Variants in MAP2K1 observed in about 807,000 individuals in gnomAD.
The protein encoded by MAP2K1 is dual specificity mitogen-activated protein kinase kinase 1.
A neutral mutation model predicts 46.3 loss-of-function variants in MAP2K1; 16 were observed. That is an observed-to-expected ratio of 0.35 (90% CI 0.23 to 0.52). The LOEUF (loss-of-function observed/expected upper bound fraction) is 0.52. MAP2K1 is among the 20% of genes least tolerant of loss of function. The probability of loss-of-function intolerance (pLI) is 0.94; values close to 1 mark genes in which losing one functional copy is unlikely to be tolerated. For missense variants in MAP2K1, 263 were observed against 497.1 expected, an observed-to-expected ratio of 0.53 and a Z score of 4.48; for synonymous variants, 183 against 185.6, an observed-to-expected ratio of 0.99 and a Z score of 0.11.
intron 5 of MAP2K1, among the ~76,000 whole-genome samples, chr15:66,448,496 C>T (rs534058113): frequency 1.5e-4 from 23 of 152,058 alleles, no homozygotes; most frequent in Non-Finnish European, 3.1e-4. Flanking sequence ...TGGGATTTGT[C>T]GGGAGAAAAG....
intron 1 of MAP2K1, among the ~76,000 whole-genome samples, chr15:66,402,767 T>C (rs2093385394): frequency 6.6e-6 from 1 of 152,190 alleles, no homozygotes; most frequent in Admixed American, 6.5e-5. Flanking sequence ...TAGTAACGTT[T>C]TTTGATTGAA....
At chr15:66,475,457 C>G (rs1166498856) in intron 5 of MAP2K1, among the ~76,000 whole-genome samples, 1 of 152,112 alleles carries the variant, frequency 6.6e-6, no homozygotes, top group Non-Finnish European at 1.5e-5. Flanking sequence ...TCTCAGCAGC[C>G]CCTTGCTCCT....
intron 5 of MAP2K1, among the ~76,000 whole-genome samples, chr15:66,447,123 C>A (rs1445685684): frequency 6.6e-6 from 1 of 151,878 alleles, no homozygotes; most frequent in African/African-American, 2.4e-5. Context: ...GGACAGCTTA[C>A]AAGCCCCGTA....
At chr15:66,414,741 A>G (rs1347329835) in intron 1 of MAP2K1, among the ~76,000 whole-genome samples, 1 of 150,824 alleles carries the variant, frequency 6.6e-6, no homozygotes, top group East Asian at 1.9e-4. Flanking sequence ...TTGTAATCAC[A>G]TGATTGGTCT....
intron 1 of MAP2K1, among the ~76,000 whole-genome samples, chr15:66,393,395 C>T (rs1029498470): frequency 1.3e-5 from 2 of 152,118 alleles, no homozygotes; most frequent in African/African-American, 4.8e-5. Context: ...TCAGGCTGGT[C>T]TCCAAGTCCT....
intron 1 of MAP2K1, among the ~76,000 whole-genome samples, chr15:66,432,311 T>C (rs1313941409): frequency 3.3e-5 from 5 of 152,142 alleles, no homozygotes; most frequent in Non-Finnish European, 7.3e-5. Flanking sequence ...GTTCATTAGC[T>C]GGTAGGGTGG....
chr15:66,407,047 C>T (rs898900157), intron 1 of MAP2K1, among the ~76,000 whole-genome samples: 2 of 152,036 alleles, frequency 1.3e-5, no homozygotes, highest in African/African-American at 4.8e-5. Flanking sequence ...GGAAGGGGTC[C>T]CCAGGAGCTC....
intron 1 of MAP2K1, among the ~76,000 whole-genome samples, chr15:66,420,759 G>GTGTGTGTGTGTGTGTGTGTA (rs1252003697): frequency 2.5e-5 from 1 of 40,094 alleles, no homozygotes; most frequent in African/African-American, 9.6e-5. Flanking sequence ...GTGTGTGTGT[G>GTGTGTGTGTGTGTGTGTGTA]TATGTGTGTA....
chr15:66,483,314 A>C (rs1431675652), intron 6 of MAP2K1, among the ~76,000 whole-genome samples: 2 of 150,836 alleles, frequency 1.3e-5, no homozygotes, highest in African/African-American at 2.4e-5. Flanking sequence ...CCTCCCCTCC[A>C]GTGACCCACA....
intron 1 of MAP2K1, among the ~76,000 whole-genome samples, chr15:66,420,013 G>A (rs1336873590): frequency 1.3e-5 from 2 of 152,136 alleles, no homozygotes; most frequent in African/African-American, 4.8e-5. Flanking sequence ...GGGAGGTGAG[G>A]TGGGTGGATC....
chr15:66,397,754 A>G (rs1566995204), intron 1 of MAP2K1, among the ~76,000 whole-genome samples: 1 of 152,210 alleles, frequency 6.6e-6, no homozygotes, highest in Non-Finnish European at 1.5e-5. Flanking sequence ...AGAGGAAACA[A>G]TCAGACAAAC....
chr15:66,462,772 T>C (rs902710853), intron 5 of MAP2K1, among the ~76,000 whole-genome samples: 2 of 152,162 alleles, frequency 1.3e-5, no homozygotes, highest in Admixed American at 1.3e-4. Context: ...GTGAGGATTC[T>C]TGGTTACACA....
chr15:66,458,588 C>G (rs1434706310), intron 5 of MAP2K1, among the ~76,000 whole-genome samples: 3 of 152,234 alleles, frequency 2.0e-5, no homozygotes, highest in Admixed American at 2.0e-4. Context: ...GCGATCATGG[C>G]TCACTGCATC....
chr15:66,461,539 A>G (rs1382828916), intron 5 of MAP2K1, among the ~76,000 whole-genome samples: 2 of 152,018 alleles, frequency 1.3e-5, no homozygotes, highest in Non-Finnish European at 2.9e-5. Flanking sequence ...GAGTCTAGTG[A>G]TATAGCTCAG....
intron 5 of MAP2K1, among the ~76,000 whole-genome samples, chr15:66,464,172 C>G (rs1317459828): frequency 6.6e-6 from 1 of 152,120 alleles, no homozygotes; most frequent in African/African-American, 2.4e-5. Flanking sequence ...CAGGTTTCAT[C>G]GGATCTCTCG....
rs2093342357 is a variant in MAP2K1 at position 66,387,025 on chromosome 15, G to C, written c.-323G>C. The C allele has an allele frequency of 3.1e-6, 1 of 319,610 alleles. No homozygotes were observed. Among genetic ancestry groups the C allele is most frequent in the Non-Finnish European group, 5.7e-6 (1 of 176,280 alleles). 19.8% of individuals were successfully genotyped at this position (319,610 alleles called of 1,614,324 possible). ...CGCGCGCGGCTGTGCCGCCCGAGCC[G>C]GAGGGACTGGTTGGTTGAGAGAGAG... On this transcript the variant is annotated 5_prime_UTR_variant, in exon 1 of 11. Coordinates refer to ENST00000307102, the MANE Select transcript of MAP2K1 (RefSeq NM_002755.4).
At chr15:66,443,410 G>T in intron 4 of MAP2K1, 53 bp downstream of exon 4, 1 of 1,099,722 alleles carries the variant, frequency 9.1e-7, no homozygotes, top group East Asian at 2.4e-5. Context: ...AAGTTAATGA[G>T]TCGGTAAGAA....
intron 1 of MAP2K1, among the ~76,000 whole-genome samples, chr15:66,420,794 T>G (rs2093437835): frequency 9.6e-6 from 1 of 103,998 alleles, no homozygotes; most frequent in Non-Finnish European, 1.9e-5. Context: ...TATATGTGTG[T>G]ATATATATGT....
At chr15:66,445,183 G>T (rs1270953703) in intron 5 of MAP2K1, among the ~76,000 whole-genome samples, 2 of 151,854 alleles carry the variant, frequency 1.3e-5, no homozygotes, top group African/African-American at 4.8e-5. Flanking sequence ...GAGGTCAGGA[G>T]TTCGAAACCA....
Sources: allele counts gnomAD v4.1 joint callset (sites outside exome capture counted in the v4.1 genomes callset), GRCh38; gene constraint gnomAD v4.1.1; transcripts MANE v1.5; gene names NCBI Gene and HGNC (gene_info 2026-07-23, HGNC 2026-07-21).